Variants in SLC2A13 observed in about 807,000 individuals in gnomAD.
The protein encoded by SLC2A13 is solute carrier family 2 member 13.
In SLC2A13, 32 loss-of-function variants were observed where a neutral mutation model predicts 64.4. That is an observed-to-expected ratio of 0.50 (90% CI 0.37 to 0.67). The LOEUF (loss-of-function observed/expected upper bound fraction) is 0.67. Ranked by LOEUF, SLC2A13 falls within the 30% of genes least tolerant of loss-of-function variation. The probability of loss-of-function intolerance (pLI) is 0.00; values close to 1 mark genes in which losing one functional copy is unlikely to be tolerated. For synonymous variants in SLC2A13, 338 were observed against 327.1 expected, an observed-to-expected ratio of 1.03 and a Z score of -0.36; for missense variants, 743 against 829.2, an observed-to-expected ratio of 0.90 and a Z score of 1.28.
At chr12:39,899,959 G>A (rs1465380930) in intron 4 of SLC2A13, among the ~76,000 whole-genome samples, 3 of 152,016 alleles carry the variant, frequency 2.0e-5, no homozygotes, top group Admixed American at 6.6e-5. Context: ...CTGGCAAACC[G>A]AATCCAGCAG....
At chr12:39,829,855 T>G in intron 7 of SLC2A13, 1 of 447,082 alleles carries the variant, frequency 2.2e-6, no homozygotes, top group South Asian at 3.0e-5. Flanking sequence ...AAACTAAAGA[T>G]CCAAACTCCT....
At chr12:39,992,002 TGCCCCAAA>T (rs1228857168) in intron 3 of SLC2A13, among the ~76,000 whole-genome samples, 1 of 152,218 alleles carries the variant, frequency 6.6e-6, no homozygotes, top group Non-Finnish European at 1.5e-5. Flanking sequence ...ATGCTACCAT[TGCCCCAAA>T]GCTGATTTAC....
At chr12:40,033,767 T>TA (rs897775106) in intron 2 of SLC2A13, among the ~76,000 whole-genome samples, 8 of 152,002 alleles carry the variant, frequency 5.3e-5, no homozygotes, top group Non-Finnish European at 7.4e-5. Context: ...TAGGTATTTT[T>TA]AAAAAAAACC....
chr12:39,902,710 C>T (rs1018178940), intron 4 of SLC2A13, among the ~76,000 whole-genome samples: 1 of 151,828 alleles, frequency 6.6e-6, no homozygotes, highest in Non-Finnish European at 1.5e-5. Context: ...AAATGCGTCA[C>T]CTTCATTTAC....
At chr12:39,786,820 T>C (rs1221749499) in intron 7 of SLC2A13, among the ~76,000 whole-genome samples, 5 of 152,194 alleles carry the variant, frequency 3.3e-5, no homozygotes, top group Non-Finnish European at 5.9e-5. Context: ...GTGCAATGAC[T>C]GTTTCCTCTG....
At chr12:39,917,712 C>G (rs1358041485) in intron 4 of SLC2A13, among the ~76,000 whole-genome samples, 1 of 152,056 alleles carries the variant, frequency 6.6e-6, no homozygotes, top group Admixed American at 6.5e-5. Context: ...AATTACACTG[C>G]TGACTCCTGG....
In SLC2A13 at chr12:39,773,386, A is replaced by G. The variant is rs371838569; in HGVS notation, c.1446-8528T>C. 9.2e-5 allele frequency among the ~76,000 whole-genome samples: 14 copies of G among 152,326 alleles called. No individual in the cohort carries two copies. The East Asian group carries it at 1.7e-3, about 19-fold the overall frequency. ...AAATAAATAATCGGTTCCCTGTTCC[A>G]ATCATGGAATACACAGAACTCCCTT... On this transcript the variant is annotated intron_variant, in intron 7 of 9. Transcript: ENST00000280871.
chr12:39,937,180 C>T (rs1592298846), intron 4 of SLC2A13, among the ~76,000 whole-genome samples: 1 of 152,306 alleles, frequency 6.6e-6, no homozygotes, highest in East Asian at 1.9e-4. Flanking sequence ...AATAGAACTT[C>T]CTCACATCTT....
chr12:39,947,687 G>A (rs1946160121), intron 4 of SLC2A13, among the ~76,000 whole-genome samples: 1 of 141,376 alleles, frequency 7.1e-6, no homozygotes, highest in African/African-American at 2.7e-5. Flanking sequence ...TTGAGACGGA[G>A]TGTCGCTCAG....
intron 4 of SLC2A13, among the ~76,000 whole-genome samples, chr12:39,898,955 GTC>G (rs1345083941): frequency 9.2e-5 from 14 of 152,100 alleles, no homozygotes; most frequent in African/African-American, 3.1e-4. Flanking sequence ...TTTTCGTTGT[GTC>G]TCTGCCTGGC....
intron 1 of SLC2A13, among the ~76,000 whole-genome samples, chr12:40,098,202 T>C (rs1293505755): frequency 6.6e-6 from 1 of 152,194 alleles, no homozygotes; most frequent in Admixed American, 6.5e-5. Context: ...CTCTATCATA[T>C]GCTACACCAT....
chr12:40,094,685 G>A (rs1207623656), intron 1 of SLC2A13, among the ~76,000 whole-genome samples: 1 of 152,030 alleles, frequency 6.6e-6, no homozygotes, highest in African/African-American at 2.4e-5. Context: ...CTACAGAGAA[G>A]GAATATAGGC....
At chr12:39,970,984 G>T (rs923915481) in intron 3 of SLC2A13, among the ~76,000 whole-genome samples, 2 of 152,048 alleles carry the variant, frequency 1.3e-5, no homozygotes, top group African/African-American at 4.8e-5. Flanking sequence ...AATCAAATAT[G>T]CAACAAATCT....
In SLC2A13 at chr12:39,782,791, T is replaced by C. The variant is rs186689950; in HGVS notation, c.1446-17933A>G. The stretch of plus-strand genomic sequence containing the variant: ...AAAATACAGATAGTGATATGAACAA[T>C]AAGGTCCAGGCTGAGGTGGTCTCAG... On this transcript the variant is annotated intron_variant, in intron 7 of 9. Transcript: ENST00000280871. Among the ~76,000 whole-genome samples the C allele has an allele frequency of 1.7e-3, 256 of 152,214 alleles. 2 individuals are homozygous for C. The highest frequency in any genetic ancestry group is 5.9e-3 in the African/African-American group (245 of 41,532).
chr12:39,962,307 C>T (rs1591953997), intron 3 of SLC2A13, among the ~76,000 whole-genome samples: 1 of 151,976 alleles, frequency 6.6e-6, no homozygotes, highest in African/African-American at 2.4e-5. Context: ...GCCAGGCTGG[C>T]TTCAAACTCC....
intron 7 of SLC2A13, among the ~76,000 whole-genome samples, chr12:39,828,531 C>T (rs1222760919): frequency 6.6e-6 from 1 of 152,034 alleles, no homozygotes; most frequent in African/African-American, 2.4e-5. Flanking sequence ...TGCTTTGAGG[C>T]CTCTGACCTC....
chr12:39,768,904 G>C (rs915851884), intron 7 of SLC2A13, among the ~76,000 whole-genome samples: 1 of 152,074 alleles, frequency 6.6e-6, no homozygotes, highest in Non-Finnish European at 1.5e-5. Flanking sequence ...TGCAATGTCT[G>C]TGAAGTGCAA....
chr12:40,066,338 C>T (rs1419647531), intron 1 of SLC2A13, among the ~76,000 whole-genome samples: 2 of 152,140 alleles, frequency 1.3e-5, no homozygotes, highest in East Asian at 1.9e-4. Context: ...TTATCTAAAA[C>T]GTCACTATCC....
At chr12:39,916,408 G>A (rs1055815960) in intron 4 of SLC2A13, among the ~76,000 whole-genome samples, 4 of 151,956 alleles carry the variant, frequency 2.6e-5, no homozygotes, top group Admixed American at 2.0e-4. Context: ...TAAAAGTGAA[G>A]AGTCAAAACT....
Sources: allele counts gnomAD v4.1 joint callset (sites outside exome capture counted in the v4.1 genomes callset), GRCh38; gene constraint gnomAD v4.1.1; transcripts MANE v1.5; gene names NCBI Gene and HGNC (gene_info 2026-07-23, HGNC 2026-07-21).